Variants in RAPGEF4 observed in about 807,000 individuals in gnomAD.
RAPGEF4 encodes the protein Rap guanine nucleotide exchange factor 4, also known as RAP guanine-nucleotide-exchange factor (GEF) 4.
A neutral mutation model predicts 147.9 loss-of-function variants in RAPGEF4; 66 were observed. That is an observed-to-expected ratio of 0.45 (90% confidence interval 0.37 to 0.55). The LOEUF (loss-of-function observed/expected upper bound fraction) is 0.55, where lower values mean the gene tolerates loss of function less well. Ranked by LOEUF, RAPGEF4 falls within the 20% of genes least tolerant of loss-of-function variation. RAPGEF4 has a pLI of 0.00. For missense variants in RAPGEF4, 1,071 were observed against 1,257.3 expected (o/e 0.85, Z 2.24); for synonymous variants, 419 against 442.7 (o/e 0.95, Z 0.67).
intron 4 of RAPGEF4, among the ~76,000 whole-genome samples, chr2:172,816,514 C>T (rs927449772): frequency 6.6e-6 from 1 of 152,188 alleles, no homozygotes; most frequent in African/African-American, 2.4e-5. Flanking sequence ...GAGGATATTG[C>T]TCTGTTGATG....
chr2:172,903,163 G>A (rs1488558401), intron 4 of RAPGEF4, among the ~76,000 whole-genome samples: 1 of 152,016 alleles, frequency 6.6e-6, no homozygotes. Flanking sequence ...GAGGTCAGGA[G>A]ATCGAGATCA....
intron 23 of RAPGEF4, among the ~76,000 whole-genome samples, chr2:173,021,494 A>G (rs1696085322): frequency 6.6e-6 from 1 of 152,168 alleles, no homozygotes; most frequent in Non-Finnish European, 1.5e-5. Context: ...AGGCTGAGGC[A>G]GGAGAATGGC....
At chr2:173,051,492 G>A (rs1686234458) in intron 30 of RAPGEF4, 148 bp from the exon 31 acceptor site, 4 of 698,170 alleles carry the variant, frequency 5.7e-6, no homozygotes, top group Non-Finnish European at 8.5e-6. Flanking sequence ...ACAACCAAGT[G>A]GAAACGTTTC....
intron 21 of RAPGEF4, among the ~76,000 whole-genome samples, chr2:173,018,386 T>C (rs1213480491): frequency 6.6e-6 from 1 of 152,166 alleles, no homozygotes; most frequent in Non-Finnish European, 1.5e-5. Flanking sequence ...TACTCTCAAT[T>C]TTTTCCCATG....
In RAPGEF4 at chr2:172,965,105, A is replaced by G. The variant is rs182047989; in HGVS notation, c.699-457A>G. The G allele has an allele frequency of 2.0e-4, 33 of 165,526 alleles. 1 individual carries two copies. The East Asian group carries it at 5.8e-3, about 29-fold the overall frequency. 10.3% of individuals were successfully genotyped at this position (165,526 alleles called of 1,614,324 possible). On this transcript the variant is annotated intron_variant, in intron 8 of 30. Coordinates refer to ENST00000397081, the MANE Select transcript of RAPGEF4 (RefSeq NM_007023.4). Reference sequence around the variant, plus strand: ...TAAAGTGCTATATAATTTTGCACTTATACGGTGCCTTTCATAGCACCTCTG... The same window carrying G: ...TAAAGTGCTATATAATTTTGCACTTGTACGGTGCCTTTCATAGCACCTCTG...
At chr2:172,929,996 A>G (rs1685752043) in intron 6 of RAPGEF4, among the ~76,000 whole-genome samples, 2 of 152,314 alleles carry the variant, frequency 1.3e-5, no homozygotes, top group South Asian at 2.1e-4. Context: ...GAGATAATGT[A>G]TGCCAAGGAC....
chr2:172,939,383 T>C (rs1166863841), intron 6 of RAPGEF4, among the ~76,000 whole-genome samples: 1 of 152,238 alleles, frequency 6.6e-6, no homozygotes, highest in African/African-American at 2.4e-5. Context: ...TTCTTGTTTT[T>C]AATTTCCATT....
chr2:172,944,767 C>T (rs991582779), intron 6 of RAPGEF4, among the ~76,000 whole-genome samples: 3 of 152,066 alleles, frequency 2.0e-5, no homozygotes, highest in African/African-American at 7.2e-5. Context: ...CAATCCTCGT[C>T]GTACTTCCAA....
intron 10 of RAPGEF4, among the ~76,000 whole-genome samples, chr2:172,970,369 C>T (rs901114474): frequency 1.3e-5 from 2 of 152,032 alleles, no homozygotes; most frequent in South Asian, 2.1e-4. Context: ...TTTCTACTGC[C>T]GAAAGTGCTA....
Position 172,945,633 on chromosome 2 carries a change from T to A in RAPGEF4, c.538-15127T>A, listed in dbSNP as rs901882386. Among the ~76,000 whole-genome samples the A allele has an allele frequency of 3.9e-5, 6 of 152,188 alleles. No individual in the cohort carries two copies. The East Asian group carries it at 9.6e-4, about 24-fold the overall frequency. On this transcript the variant is annotated intron_variant, in intron 6 of 30. Transcript: ENST00000397081. The stretch of plus-strand genomic sequence containing the variant: ...TCAAAGTGTAGGACAAAGACCTTTT[T>A]TTCATGGTAATTATTTTACCTTTCC...
rs79534248 is a variant in RAPGEF4 at position 172,757,392 on chromosome 2, G to A, written c.65+21344G>A. On this transcript the variant is annotated intron_variant, in intron 1 of 30. Transcript: ENST00000397081. Reference sequence around the variant, plus strand: ...TACTTCTGTGATTTATGATTTTGAAGTATGTGGATTATCTGTTTTAATACC... The same window carrying A: ...TACTTCTGTGATTTATGATTTTGAAATATGTGGATTATCTGTTTTAATACC... Among the ~76,000 whole-genome samples the A allele has an allele frequency of 1.1e-4, 16 of 152,300 alleles. No individual in the cohort carries two copies. In the East Asian group the frequency reaches 1.4e-3, roughly 13 times the overall value.
chr2:172,888,295 C>T lies in RAPGEF4; in HGVS notation c.445-29507C>T, dbSNP rs567223962. ...TCCCAGATGGGGAAAAAATCCGAGG[C>T]TGAACAGGAGCCTTGACCAAGAAGA... On this transcript the variant is annotated intron_variant, in intron 4 of 30. Transcript: ENST00000397081. 4.6e-5 allele frequency among the ~76,000 whole-genome samples: 7 copies of T among 152,348 alleles called. 1 individual carries two copies. In the East Asian group the frequency reaches 9.6e-4, roughly 21 times the overall value.
At chr2:172,798,190 G>C (rs1363322240) in intron 3 of RAPGEF4, among the ~76,000 whole-genome samples, 1 of 151,564 alleles carries the variant, frequency 6.6e-6, no homozygotes, top group Non-Finnish European at 1.5e-5. Context: ...TCACCTCTGA[G>C]GAGTTTGGCA....
intron 4 of RAPGEF4, among the ~76,000 whole-genome samples, chr2:172,904,054 T>C (rs1333979164): frequency 3.3e-5 from 5 of 152,184 alleles, no homozygotes; most frequent in Non-Finnish European, 7.3e-5. Flanking sequence ...TGTGAAATGA[T>C]CCTTTATTTT....
chr2:172,840,361 C>T (rs1691443434), intron 4 of RAPGEF4, among the ~76,000 whole-genome samples: 1 of 152,206 alleles, frequency 6.6e-6, no homozygotes, highest in African/African-American at 2.4e-5. Flanking sequence ...CCTGACCCAA[C>T]AGGACAGATT....
chr2:172,805,712 C>T lies in RAPGEF4; in HGVS notation c.297+8099C>T, dbSNP rs367868970. ...ATTTCGCCAATAATATCTGTCCCCA[C>T]CTTCAGTCTCTTGCCTGAGCCTAAC... On this transcript the variant is annotated intron_variant, in intron 3 of 30. Coordinates refer to ENST00000397081, the MANE Select transcript of RAPGEF4 (RefSeq NM_007023.4). 5.9e-5 allele frequency among the ~76,000 whole-genome samples: 9 copies of T among 152,318 alleles called. No individual in the cohort carries two copies. In the East Asian group the frequency reaches 7.7e-4, roughly 13 times the overall value.
chr2:172,917,490 T>A, intron 4 of RAPGEF4: 1 of 618,762 alleles, frequency 1.6e-6, no homozygotes, highest in South Asian at 1.4e-5. Flanking sequence ...TGAGCTTGTG[T>A]TTGTGGGGTT....
chr2:172,983,224 A>G (rs1392932411), intron 10 of RAPGEF4, among the ~76,000 whole-genome samples: 1 of 152,232 alleles, frequency 6.6e-6, no homozygotes, highest in Non-Finnish European at 1.5e-5. Flanking sequence ...TGAGTTGGCC[A>G]ACTACCATGT....
intron 1 of RAPGEF4, among the ~76,000 whole-genome samples, chr2:172,776,494 A>G (rs981902703): frequency 1.4e-4 from 21 of 152,160 alleles, no homozygotes; most frequent in African/African-American, 4.8e-4. Flanking sequence ...ATTTTCATCC[A>G]TTATTTCTTT....
Sources: gnomAD v4.1 joint callset for allele counts (sites outside exome capture counted in the v4.1 genomes callset) on GRCh38, gnomAD v4.1.1 for gene constraint, MANE v1.5 for transcripts, NCBI Gene and HGNC (gene_info 2026-07-23, HGNC 2026-07-21) for gene names.